The following GABBR2 variants were observed in gnomAD, a reference collection of about 807,000 sequenced individuals.
GABBR2 encodes G-protein coupled receptor 51.
In GABBR2, 23 loss-of-function variants were observed where a neutral mutation model predicts 105.6. The ratio of observed to expected loss-of-function variants is 0.22; its 90% confidence interval spans 0.16 to 0.31. The LOEUF is 0.31. Ranked by LOEUF, GABBR2 falls within the 10% of genes least tolerant of loss-of-function variation. The pLI is 1.00. For missense variants in GABBR2, 734 were observed against 1,245.5 expected, an observed-to-expected ratio of 0.59 and a Z score of 6.18; for synonymous variants, 478 against 499.7, an observed-to-expected ratio of 0.96 and a Z score of 0.58.
chr9:98,360,522 T>C (rs892241817), intron 13 of GABBR2, among the ~76,000 whole-genome samples: 8 of 152,154 alleles, frequency 5.3e-5, no homozygotes, highest in Admixed American at 4.6e-4. Flanking sequence ...GGGCCCTGGA[T>C]AGCACCTTTC....
chr9:98,648,116 T>TGTGTGTGTGTGTGTGTGTGTATAG, intron 1 of GABBR2, among the ~76,000 whole-genome samples: 583 of 55,874 alleles, frequency 0.01, 7 homozygotes, highest in Middle Eastern at 0.034. Flanking sequence ...TGTGTGTGTG[T>TGTGTGTGTGTGTGTGTGTGTATAG]ATAGATAGAT....
At chr9:98,313,756 C>T (rs929155829) in intron 13 of GABBR2, among the ~76,000 whole-genome samples, 1 of 124,302 alleles carries the variant, frequency 8.0e-6, no homozygotes, top group African/African-American at 3.6e-5. Context: ...GGGTCAATCA[C>T]TAGGAAGAAG....
rs1831277969 is a variant in GABBR2, at chr9:98,344,890, C to T, written c.1893+17825G>A. ...CAAACTACTCTTTTGTCCACTGGGA[C>T]CCTGCAGCCCATCTTCTTAGCCCTT... On this transcript the variant is annotated intron_variant, in intron 13 of 18. Transcript: ENST00000259455. Among the ~76,000 whole-genome samples, 3 of 152,182 alleles carry T rather than the reference C, an allele frequency of 2.0e-5. No individual in the cohort carries two copies. The South Asian group carries it at 6.2e-4, about 31-fold the overall frequency.
At chr9:98,297,890 G>C (rs986315751) in intron 17 of GABBR2, among the ~76,000 whole-genome samples, 2 of 151,280 alleles carry the variant, frequency 1.3e-5, no homozygotes, top group South Asian at 4.2e-4. Flanking sequence ...TGGGTGTGGT[G>C]GTGGGCACCT....
chr9:98,560,219 C>A (rs1330528769), intron 2 of GABBR2, among the ~76,000 whole-genome samples: 1 of 152,040 alleles, frequency 6.6e-6, no homozygotes, highest in African/African-American at 2.4e-5. Context: ...AAATCAACCC[C>A]TAAACAGTGA....
intron 3 of GABBR2, among the ~76,000 whole-genome samples, chr9:98,536,434 G>A (rs1828182728): frequency 6.6e-6 from 1 of 152,196 alleles, no homozygotes; most frequent in African/African-American, 2.4e-5. Context: ...GAATAACTTG[G>A]TGAGGATGGT....
intron 4 of GABBR2, among the ~76,000 whole-genome samples, chr9:98,481,987 C>T (rs560182930): frequency 7.2e-5 from 11 of 152,240 alleles, no homozygotes; most frequent in African/African-American, 2.6e-4. Context: ...CGTCCTGTCC[C>T]ATGGAGAAGA....
chr9:98,569,022 A>G (rs1375288837), intron 2 of GABBR2, among the ~76,000 whole-genome samples: 1 of 151,988 alleles, frequency 6.6e-6, no homozygotes, highest in Non-Finnish European at 1.5e-5. Flanking sequence ...CTTGTTTTTA[A>G]TGAATCCAGA....
chr9:98,401,647 C>T (rs535241406), intron 8 of GABBR2, among the ~76,000 whole-genome samples: 1 of 152,270 alleles, frequency 6.6e-6, no homozygotes, highest in South Asian at 2.1e-4. Flanking sequence ...GACGAAATGG[C>T]CTTTCCAGAC....
At chr9:98,515,773 TG>T (rs1827746148) in intron 3 of GABBR2, among the ~76,000 whole-genome samples, 1 of 121,018 alleles carries the variant, frequency 8.3e-6, no homozygotes, top group South Asian at 3.5e-4. Context: ...GGATTGACTC[TG>T]GAGTGAATTT....
At chr9:98,705,023 CT>C (rs1339750497) in intron 1 of GABBR2, among the ~76,000 whole-genome samples, 2 of 151,802 alleles carry the variant, frequency 1.3e-5, no homozygotes, top group Non-Finnish European at 2.9e-5. Context: ...GTACATTTAC[CT>C]TTTTACCTTG....
intron 8 of GABBR2, among the ~76,000 whole-genome samples, chr9:98,403,638 C>T (rs886239001): frequency 1.3e-5 from 2 of 151,746 alleles, no homozygotes; most frequent in African/African-American, 2.4e-5. Context: ...AAATGGCAGA[C>T]AAAAAAGCAG....
chr9:98,635,388 T>C (rs534302822), intron 1 of GABBR2, among the ~76,000 whole-genome samples: 1 of 151,762 alleles, frequency 6.6e-6, no homozygotes, highest in South Asian at 2.1e-4. Flanking sequence ...AGGGGTGGCA[T>C]GGGGAGGATG....
At chr9:98,527,133 T>G (rs529281239) in intron 3 of GABBR2, among the ~76,000 whole-genome samples, 8 of 148,974 alleles carry the variant, frequency 5.4e-5, no homozygotes, top group Non-Finnish European at 1.2e-4. Flanking sequence ...ATATATAAAA[T>G]AGTGGGTATT....
Position 98,444,861 on chromosome 9 carries a change from A to G in GABBR2, c.1236+9120T>C, listed in dbSNP as rs145963636. Among the ~76,000 whole-genome samples the G allele has an allele frequency of 6.2e-3, 818 of 132,036 alleles. 2 individuals are homozygous for G. Among genetic ancestry groups the G allele is most frequent in the Admixed American group, 0.01 (133 of 12,700 alleles). The allele number at this position is 132,036 out of a possible 152,430, so 86.6% of individuals were successfully genotyped here. On this transcript the variant is annotated intron_variant, in intron 7 of 18. Coordinates refer to ENST00000259455, the MANE Select transcript of GABBR2 (RefSeq NM_005458.8). The stretch of plus-strand genomic sequence containing the variant: ...CGCATGCGTGCACGTGCACATGCAT[A>G]TGCACATGCGCGCGCGCGCACACAC...
intron 3 of GABBR2, among the ~76,000 whole-genome samples, chr9:98,532,446 C>G (rs547007615): frequency 6.6e-6 from 1 of 152,212 alleles, no homozygotes; most frequent in African/African-American, 2.4e-5. Flanking sequence ...GAATCTGATC[C>G]GTCGGAGTCC....
intron 1 of GABBR2, among the ~76,000 whole-genome samples, chr9:98,600,873 T>TC (rs1829320775): frequency 6.6e-6 from 1 of 152,150 alleles, no homozygotes; most frequent in East Asian, 1.9e-4. Flanking sequence ...GCCTGCTACC[T>TC]CCCCTCTGCT....
chr9:98,483,358 G>A (rs1171168779), intron 4 of GABBR2, among the ~76,000 whole-genome samples: 1 of 152,114 alleles, frequency 6.6e-6, no homozygotes, highest in East Asian at 1.9e-4. Context: ...CTGCACCCTT[G>A]CCATGAATCC....
chr9:98,560,466 CACACACACACACATAT>C (rs1258606579), intron 2 of GABBR2, among the ~76,000 whole-genome samples: 7 of 131,528 alleles, frequency 5.3e-5, no homozygotes, highest in Admixed American at 2.2e-4. Context: ...TATATACATG[CACACACACACACATAT>C]ACACACACAC....
Sources: allele counts gnomAD v4.1 joint callset (sites outside exome capture counted in the v4.1 genomes callset), GRCh38; gene constraint gnomAD v4.1.1; transcripts MANE v1.5; gene names NCBI Gene and HGNC (gene_info 2026-07-23, HGNC 2026-07-21).